SPICE1: variants seen among roughly 807,000 people sequenced by gnomAD.
The protein encoded by SPICE1 is spindle and centriole-associated protein 1.
SPICE1 carries 75 observed loss-of-function variants against 102.7 expected under a neutral mutation model. That is an observed-to-expected ratio of 0.73 (90% CI 0.61 to 0.88). SPICE1 has a LOEUF of 0.88. Among genes scored for constraint, SPICE1 ranks in the 40% least tolerant of loss-of-function variants. The pLI is 0.00. For missense variants in SPICE1, 979 were observed against 1,020.1 expected (o/e 0.96, Z 0.55); for synonymous variants, 308 against 350.3 (o/e 0.88, Z 1.35).
rs1936109965 is a variant in SPICE1 at position 113,468,282 on chromosome 3, T to G, written c.1012A>C (p.Ile338Leu). 1.2e-6 allele frequency: 2 copies of G among 1,614,036 alleles called. No homozygotes were observed. Among genetic ancestry groups the G allele is most frequent in the African/African-American group, 1.3e-5 (1 of 74,930 alleles). Reference protein sequence around the residue: ...NSNLDVLKHMIHEVEHEMEEY... With the variant: ...NSNLDVLKHMLHEVEHEMEEY... Reference sequence around the variant, plus strand: ...TCCATTTCATGTTCCACTTCATGTATCATGTGTTTGAGGACATCCAGGTTG... The same window carrying G: ...TCCATTTCATGTTCCACTTCATGTAGCATGTGTTTGAGGACATCCAGGTTG... The change falls in exon 10 of 18, where the codon ATA (isoleucine) becomes CTA (leucine). Residue 338 changes from isoleucine (I) to leucine (L), a missense_variant. Coordinates refer to ENST00000295872, the MANE Select transcript of SPICE1 (RefSeq NM_144718.4).
At position 113,460,478 on chromosome 3, in the gene SPICE1, G is replaced by A. The variant is rs550917973; in HGVS notation, c.1435+139C>T. 45 of 1,395,916 alleles carry A rather than the reference G, an allele frequency of 3.2e-5. No individual in the cohort carries two copies. In the African/African-American group the frequency reaches 6.1e-4, roughly 19 times the overall value. 86.5% of individuals were successfully genotyped at this position (1,395,916 alleles called of 1,614,324 possible). On this transcript the variant is annotated intron_variant, in intron 12 of 17. Transcript: ENST00000295872. ...ATCCAATATTAGCTGGAAAAGTAGTGGCAACTGTAGTAGTGACAATACTGT... is the reference window on the plus strand; with the variant it reads ...ATCCAATATTAGCTGGAAAAGTAGTAGCAACTGTAGTAGTGACAATACTGT...
chr3:113,460,917 C>G (rs1340257671), intron 11 of SPICE1, among the ~76,000 whole-genome samples, 153 bp from the exon 12 acceptor site: 2 of 151,822 alleles, frequency 1.3e-5, no homozygotes, highest in African/African-American at 4.8e-5. Flanking sequence ...TTAAATACTT[C>G]AGGAATTTGA....
chr3:113,451,872 T>C (rs1401814139), intron 14 of SPICE1, among the ~76,000 whole-genome samples: 1 of 151,828 alleles, frequency 6.6e-6, no homozygotes, highest in East Asian at 1.9e-4. Context: ...CTGACAGAGA[T>C]GGCCCTTACC....
In SPICE1 at chr3:113,457,113, T is replaced by G. The variant is rs777574676; in HGVS notation, c.1657+23A>C. On this transcript the variant is annotated intron_variant, in intron 13 of 17. Coordinates refer to ENST00000295872, the MANE Select transcript of SPICE1 (RefSeq NM_144718.4). ...ATGAAACATTAAAAAACAACTTTCA[T>G]GTAACTTTAGAAGAAGACTTACCGT... 2.5e-6 allele frequency: 4 copies of G among 1,603,120 alleles called. No homozygotes were observed. In the South Asian group the frequency reaches 3.3e-5, roughly 13 times the overall value.
chr3:113,448,458 C>T (rs899490030), intron 15 of SPICE1, among the ~76,000 whole-genome samples: 2 of 151,446 alleles, frequency 1.3e-5, no homozygotes, highest in Non-Finnish European at 1.5e-5. Flanking sequence ...AGATCTTTGT[C>T]CAAAAGAGCT....
Position 113,465,682 on chromosome 3 carries a change from G to A in SPICE1, c.1258C>T (p.Arg420Cys), listed in dbSNP as rs112659113. 36 of 1,613,716 alleles carry A rather than the reference G, an allele frequency of 2.2e-5. No individual in the cohort carries two copies. In the African/African-American group the frequency reaches 2.4e-4, roughly 11 times the overall value. The change falls in exon 11 of 18, where the codon CGT (arginine) becomes TGT (cysteine). Residue 420 changes from arginine (R) to cysteine (C), a missense_variant. Coordinates refer to ENST00000295872, the MANE Select transcript of SPICE1 (RefSeq NM_144718.4). ...LIDALTAEILRLREENAATQA... is the reference protein window; with the variant it reads ...LIDALTAEILCLREENAATQA... ...GTAGCAGCGTTTTCTTCTCTAAGAC[G>A]AAGAATTTCAGCTGTCAGAGCATCA...
rs1162088849 is a variant in SPICE1 at position 113,443,273 on chromosome 3, G to A, written c.*2034C>T. On this transcript the variant is annotated 3_prime_UTR_variant, in exon 18 of 18. Coordinates refer to ENST00000295872, the MANE Select transcript of SPICE1 (RefSeq NM_144718.4). ...TAGATTAATTTGTCCAAAGTACACA[G>A]CTCAAGTGGCAGAAATGGCATTTGA... The A allele has an allele frequency of 1.3e-5, 2 of 152,198 alleles. No individual in the cohort carries two copies. The highest frequency in any genetic ancestry group is 2.9e-5 in the Non-Finnish European group (2 of 68,038). 9.4% of individuals were successfully genotyped at this position (152,198 alleles called of 1,614,324 possible).
intron 12 of SPICE1, chr3:113,460,106 A>T: frequency 1.0e-6 from 1 of 985,460 alleles, no homozygotes; most frequent in Non-Finnish European, 1.2e-6. Flanking sequence ...TTCAGCCTAT[A>T]GCATATGATG....
chr3:113,452,204 G>C (rs1460978280), intron 14 of SPICE1, among the ~76,000 whole-genome samples: 1 of 152,108 alleles, frequency 6.6e-6, no homozygotes, highest in African/African-American at 2.4e-5. Context: ...CAAAACTCCT[G>C]CACTATAAAA....
intron 14 of SPICE1, among the ~76,000 whole-genome samples, 157 bp downstream of exon 14, chr3:113,453,309 A>AC (rs1159318817): frequency 6.6e-6 from 1 of 152,190 alleles, no homozygotes; most frequent in African/African-American, 2.4e-5. Context: ...ACTGATAAAT[A>AC]ACTTGGACCT....
rs775637072 is a variant in SPICE1 at position 113,457,212 on chromosome 3, T to A, written c.1581A>T (p.Ala527=). 3.1e-6 allele frequency: 5 copies of A among 1,614,168 alleles called. No homozygotes were observed. Among genetic ancestry groups the A allele is most frequent in the Non-Finnish European group, 4.2e-6 (5 of 1,180,032 alleles). Residue 527 remains alanine (A), a synonymous_variant, in exon 13 of 18, where the codon GCA becomes GCT. Transcript: ENST00000295872. ...DNMNLAKNFP[A]HIFEPAVLLT... is the part of the protein sequence containing the mutation. Reference sequence around the variant, plus strand: ...ACAACACAGCTGGCTCAAAAATATGTGCTGGAAAATTCTTGGCCAGATTCA... The same window carrying A: ...ACAACACAGCTGGCTCAAAAATATGAGCTGGAAAATTCTTGGCCAGATTCA...
intron 6 of SPICE1, among the ~76,000 whole-genome samples, chr3:113,492,601 A>C (rs961175570): frequency 1.1e-4 from 16 of 152,234 alleles, no homozygotes; most frequent in African/African-American, 3.1e-4. Flanking sequence ...AATACATTAA[A>C]AGAGACTAAC....
chr3:113,466,547 T>C (rs1186063857), intron 10 of SPICE1, among the ~76,000 whole-genome samples: 2 of 151,534 alleles, frequency 1.3e-5, no homozygotes, highest in African/African-American at 4.9e-5. Flanking sequence ...GAGGCAGAGG[T>C]TGCAGTGAGC....
At chr3:113,449,689 A>C (rs1935599614) in intron 15 of SPICE1, 1 of 152,304 alleles carries the variant, frequency 6.6e-6, no homozygotes, top group Admixed American at 6.5e-5. Flanking sequence ...TGGTACATGG[A>C]GCTTTTTCTA....
At chr3:113,501,615 C>T (rs537569215) in intron 3 of SPICE1, among the ~76,000 whole-genome samples, 1 of 152,260 alleles carries the variant, frequency 6.6e-6, no homozygotes, top group South Asian at 2.1e-4. Flanking sequence ...TTTGAATAGA[C>T]ATTTCTCCAA....
chr3:113,449,301 G>A (rs1260550195), intron 15 of SPICE1: 1 of 120,884 alleles, frequency 8.3e-6, no homozygotes, highest in Non-Finnish European at 1.7e-5. Context: ...CAGGCACATA[G>A]TACATGTTCG....
intron 11 of SPICE1, among the ~76,000 whole-genome samples, chr3:113,461,636 G>T (rs1012586032): frequency 2.0e-5 from 3 of 152,174 alleles, no homozygotes; most frequent in African/African-American, 7.2e-5. Flanking sequence ...AAGTAGAGAA[G>T]ATTGCAGGTA....
At chr3:113,455,037 T>C (rs1451814923) in intron 13 of SPICE1, among the ~76,000 whole-genome samples, 1 of 152,164 alleles carries the variant, frequency 6.6e-6, no homozygotes, top group Non-Finnish European at 1.5e-5. Context: ...ACTTAAATAA[T>C]CCTCCTCATT....
In SPICE1 at chr3:113,445,027, T is replaced by TA. The variant is rs1222760355; in HGVS notation, c.*279dup. On this transcript the variant is annotated 3_prime_UTR_variant, in exon 18 of 18. Coordinates refer to ENST00000295872, the MANE Select transcript of SPICE1 (RefSeq NM_144718.4). ...AAAGATAAAGGTAAAAATGTATTAA[T>TA]AAAAAAAACCCTTAAAATACTTAAG... The TA allele has an allele frequency of 1.5e-4, 35 of 234,600 alleles. No individual in the cohort carries two copies. The highest frequency in any genetic ancestry group is 6.6e-4 in the East Asian group (8 of 12,108). 14.5% of individuals were successfully genotyped at this position (234,600 alleles called of 1,614,324 possible).
Sources: gnomAD v4.1 joint callset for allele counts (sites outside exome capture counted in the v4.1 genomes callset) on GRCh38, gnomAD v4.1.1 for gene constraint, MANE v1.5 for transcripts, NCBI Gene and HGNC (gene_info 2026-07-23, HGNC 2026-07-21) for gene names.